The following PLEKHA5 variants were observed in gnomAD, a reference collection of about 807,000 sequenced individuals.
The protein encoded by PLEKHA5 is pleckstrin homology domain-containing family A member 5.
Under a neutral mutation model 181.9 loss-of-function variants are expected in PLEKHA5, and 55 were observed. The observed-to-expected ratio is 0.30, with a 90% CI of 0.24 to 0.38. The LOEUF is 0.38. Ranked by LOEUF, PLEKHA5 falls within the 10% of genes least tolerant of loss-of-function variation. The pLI is 1.00. For synonymous variants in PLEKHA5, 535 were observed against 529.4 expected (o/e 1.01, Z -0.15); for missense variants, 1,432 against 1,549.5 (o/e 0.92, Z 1.27).
chr12:19,201,341 A>G (rs1195545420), intron 3 of PLEKHA5: 1 of 152,126 alleles, frequency 6.6e-6, no homozygotes, highest in African/African-American at 2.4e-5. Flanking sequence ...ATCAGTATCA[A>G]GTATTGCGGA....
At chr12:19,178,377 C>G (rs568276863) in intron 3 of PLEKHA5, among the ~76,000 whole-genome samples, 1 of 145,548 alleles carries the variant, frequency 6.9e-6, no homozygotes, top group East Asian at 2.0e-4. Context: ...GTAGCATATT[C>G]AGGGATTATG....
chr12:19,238,520 T>C (rs1263319103), intron 3 of PLEKHA5, among the ~76,000 whole-genome samples: 1 of 152,128 alleles, frequency 6.6e-6, no homozygotes, highest in African/African-American at 2.4e-5. Flanking sequence ...AGATTCCAAC[T>C]AAGATTCTAC....
intron 15 of PLEKHA5, among the ~76,000 whole-genome samples, chr12:19,297,404 T>C (rs2080121729): frequency 6.7e-6 from 1 of 148,850 alleles, no homozygotes; most frequent in Non-Finnish European, 1.5e-5. Flanking sequence ...AGGTGGATCA[T>C]GAGGTCAGGA....
At chr12:19,208,806 T>A (rs969797768) in intron 3 of PLEKHA5, among the ~76,000 whole-genome samples, 4 of 152,122 alleles carry the variant, frequency 2.6e-5, no homozygotes, top group Non-Finnish European at 5.9e-5. Flanking sequence ...ACTCTGCAGA[T>A]CGAATGTTGG....
rs531561274 is a variant in PLEKHA5 at position 19,231,027 on chromosome 12, A to G, written c.228-22913A>G. Among the ~76,000 whole-genome samples, 3 of 152,320 alleles carry G rather than the reference A, an allele frequency of 2.0e-5. No homozygotes were observed. In the South Asian group the frequency reaches 6.2e-4, roughly 32 times the overall value. On this transcript the variant is annotated intron_variant, in intron 3 of 31. Coordinates refer to ENST00000429027, the MANE Select transcript of PLEKHA5 (RefSeq NM_001256470.2). ...GTCCTAAGGCTGTGTCTTAATCATG[A>G]GTCTCCATAACACAGTCTGTCCTGT...
intron 3 of PLEKHA5, among the ~76,000 whole-genome samples, chr12:19,204,303 G>T (rs2054886182): frequency 1.3e-5 from 2 of 152,228 alleles, no homozygotes; most frequent in Admixed American, 6.6e-5. Context: ...GTGACTTGCT[G>T]TCGTGAGCTT....
chr12:19,371,627 CA>C, intron 31 of PLEKHA5: 1 of 172,694 alleles, frequency 5.8e-6, no homozygotes, highest in Non-Finnish European at 1.2e-5. Context: ...CAAGTTGCTG[CA>C]AAATACATTA....
intron 3 of PLEKHA5, among the ~76,000 whole-genome samples, chr12:19,232,512 G>A (rs991336857): frequency 3.9e-5 from 6 of 152,102 alleles, no homozygotes; most frequent in African/African-American, 9.7e-5. Context: ...GGGGTAACTC[G>A]TCATTGATAA....
intron 15 of PLEKHA5, among the ~76,000 whole-genome samples, chr12:19,297,194 C>G (rs963245317): frequency 6.6e-6 from 1 of 152,054 alleles, no homozygotes; most frequent in Non-Finnish European, 1.5e-5. Context: ...ACCAACCCCC[C>G]CAGAATTATG....
At chr12:19,252,103 G>A (rs1480391019) in intron 3 of PLEKHA5, among the ~76,000 whole-genome samples, 1 of 151,292 alleles carries the variant, frequency 6.6e-6, no homozygotes, top group Non-Finnish European at 1.5e-5. Flanking sequence ...TAGTCAATAT[G>A]GAATTTTTTT....
chr12:19,316,833 T>A (rs2088970993), intron 16 of PLEKHA5, among the ~76,000 whole-genome samples: 1 of 152,234 alleles, frequency 6.6e-6, no homozygotes, highest in African/African-American at 2.4e-5. Flanking sequence ...CCTCATCATG[T>A]TATTATCCAG....
At chr12:19,246,450 G>A (rs1002182778) in intron 3 of PLEKHA5, among the ~76,000 whole-genome samples, 3 of 151,008 alleles carry the variant, frequency 2.0e-5, no homozygotes, top group African/African-American at 4.9e-5. Context: ...TGGTGAAACC[G>A]CATCTCTACT....
chr12:19,196,504 A>G (rs1440405625), intron 3 of PLEKHA5, among the ~76,000 whole-genome samples: 1 of 152,192 alleles, frequency 6.6e-6, no homozygotes, highest in African/African-American at 2.4e-5. Context: ...CAAGAAGAAA[A>G]CCTACCCCTA....
chr12:19,240,491 A>G (rs1355477411), intron 3 of PLEKHA5, among the ~76,000 whole-genome samples: 1 of 142,984 alleles, frequency 7.0e-6, no homozygotes, highest in Non-Finnish European at 1.5e-5. Flanking sequence ...CCCAGGCTGG[A>G]GCATAATGGC....
At chr12:19,357,943 AT>A (rs11326139) in intron 26 of PLEKHA5, among the ~76,000 whole-genome samples, 11,820 of 149,396 alleles carry the variant, frequency 0.079, 529 homozygotes, top group African/African-American at 0.12. Flanking sequence ...CCTGGTCCAT[AT>A]TTTTTTTTTA....
chr12:19,261,719 A>G (rs772225978), intron 7 of PLEKHA5, among the ~76,000 whole-genome samples: 3 of 152,204 alleles, frequency 2.0e-5, no homozygotes, highest in Non-Finnish European at 4.4e-5. Context: ...ATAATGAAAG[A>G]ATTAGATTGT....
intron 20 of PLEKHA5, among the ~76,000 whole-genome samples, chr12:19,325,294 G>T (rs551910485): frequency 1.6e-4 from 25 of 152,252 alleles, no homozygotes; most frequent in African/African-American, 5.8e-4. Context: ...AGGAGACTGA[G>T]GTGGGAGGAT....
intron 31 of PLEKHA5, among the ~76,000 whole-genome samples, chr12:19,370,028 G>GA: frequency 6.6e-6 from 1 of 152,308 alleles, no homozygotes; most frequent in Admixed American, 6.5e-5. Context: ...TCATCATCCA[G>GA]AAAAACAACA....
intron 15 of PLEKHA5, among the ~76,000 whole-genome samples, chr12:19,293,120 G>A (rs1299963014): frequency 2.0e-5 from 3 of 151,910 alleles, no homozygotes; most frequent in Non-Finnish European, 4.4e-5. Flanking sequence ...GTCCAAACTT[G>A]ACTATTTTAT....
Sources: gnomAD v4.1 joint callset for allele counts (sites outside exome capture counted in the v4.1 genomes callset) on GRCh38, gnomAD v4.1.1 for gene constraint, MANE v1.5 for transcripts, NCBI Gene and HGNC (gene_info 2026-07-23, HGNC 2026-07-21) for gene names.